FURIN: variants seen among roughly 807,000 people sequenced by gnomAD.
FURIN encodes furin, paired basic amino acid cleaving enzyme, also known as FES upstream region.
FURIN carries 18 observed loss-of-function variants against 89.2 expected under a neutral mutation model. The observed-to-expected ratio is 0.20, with a 90% confidence interval of 0.14 to 0.30. The LOEUF is 0.30. Among genes scored for constraint, FURIN ranks in the 10% least tolerant of loss-of-function variants. The pLI is 1.00. For missense variants in FURIN, 879 were observed against 1,100.5 expected (o/e 0.80, Z 2.85); for synonymous variants, 508 against 466.4 (o/e 1.09, Z -1.15).
rs1425410725 is a variant in FURIN at position 90,876,946 on chromosome 15, C to T, written c.423C>T (p.Gly141=). The change falls in exon 5 of 16, where the codon GGC becomes GGT. Residue 141 remains glycine (G), a synonymous_variant. Transcript: ENST00000268171. This position sits in a 1 kb window ranked among gnomAD's most constrained non-coding sequence, Gnocchi z 5.0. The part of the protein sequence containing the change: ...DLNVKAAWAQ[G]YTGHGIVVSI... ...ATGTGAAGGCGGCCTGGGCGCAGGG[C>T]TACACAGGGCACGGCATTGTGGTCT... 4 of 1,614,006 alleles carry T rather than the reference C, an allele frequency of 2.5e-6. No individual in the cohort carries two copies.
Position 90,880,229 on chromosome 15 carries a change from C to T in FURIN, c.1512C>T (p.His504=). The T allele has an allele frequency of 6.2e-7, 1 of 1,612,050 alleles. No homozygotes were observed. Among genetic ancestry groups the T allele is most frequent in the African/African-American group, 1.3e-5 (1 of 75,054 alleles). The change falls in exon 13 of 16, where the codon CAC becomes CAT. Residue 504 remains histidine (H), a synonymous_variant. Transcript: ENST00000268171. ...ATCGCCGTGGCGACCTGGCCATCCA[C>T]CTGGTCAGCCCCATGGGCACCCGCT... ...SYNRRGDLAI[H]LVSPMGTRST...
At chr15:90,878,091 C>T in intron 7 of FURIN, 41 bp from the exon 8 acceptor site, 1 of 1,604,670 alleles carries the variant, frequency 6.2e-7, no homozygotes, top group Non-Finnish European at 8.5e-7. Context: ...GACAGCTGGA[C>T]CCATGCAGCA....
intron 13 of FURIN, among the ~76,000 whole-genome samples, 188 bp from the exon 14 acceptor site, chr15:90,880,503 G>A (rs1258981248): frequency 6.6e-6 from 1 of 152,206 alleles, no homozygotes; most frequent in Non-Finnish European, 1.5e-5. Flanking sequence ...CGGTGCCTGT[G>A]TACCTTTCTA....
chr15:90,871,072 C>G (rs1195168511), intron 1 of FURIN, among the ~76,000 whole-genome samples: 2 of 152,248 alleles, frequency 1.3e-5, no homozygotes, highest in Non-Finnish European at 2.9e-5. Context: ...CAAGAGGAGG[C>G]TGGTCCTGCC....
In FURIN at chr15:90,879,887, G is replaced by A. The variant is rs1171797131; in HGVS notation, c.1279G>A (p.Gly427Arg). Residue 427 changes from glycine (G) to arginine (R), a missense_variant, in exon 12 of 16, where the codon GGG (glycine) becomes AGG (arginine). This residue lies in a region of FURIN where 156 missense variants were observed against 243.7 expected (regional missense o/e 0.64). Coordinates refer to ENST00000268171, the MANE Select transcript of FURIN (RefSeq NM_002569.4). ...GRKVSHSYGY[G>R]LLDAGAMVAL... The stretch of plus-strand genomic sequence containing the variant: ...CACAGTGAGCCACTCATATGGCTAC[G>A]GGCTTTTGGACGCAGGCGCCATGGT... 6.2e-7 allele frequency: 1 copy of A among 1,613,554 alleles called. No individual in the cohort carries two copies. Among genetic ancestry groups the A allele is most frequent in the Admixed American group, 1.7e-5 (1 of 60,034 alleles).
chr15:90,877,242 C>T (rs371141176), intron 6 of FURIN, 31 bp downstream of exon 6: 24 of 1,519,946 alleles, frequency 1.6e-5, no homozygotes, highest in Admixed American at 3.8e-5. Flanking sequence ...GTCTCTGCCT[C>T]CCTTCTCCTT....
chr15:90,876,302 G>A lies in FURIN; in HGVS notation c.225G>A (p.Arg75=). Residue 75 remains arginine, a synonymous_variant, in exon 3 of 16, where the codon CGG becomes CGA. Transcript: ENST00000268171. This position sits in a 1 kb window ranked among gnomAD's most constrained non-coding sequence, Gnocchi z 5.0. ...YHFWHRGVTK[R]SLSPHRPRHS... is the part of the protein sequence containing the mutation. ...TCTGGCATCGAGGAGTGACGAAGCG[G>A]TCCCTGTCGCCTCACCGCCCGCGGC... The A allele has an allele frequency of 1.2e-6, 2 of 1,613,032 alleles. No homozygotes were observed. The highest frequency in any genetic ancestry group is 8.5e-7 in the Non-Finnish European group (1 of 1,179,278).
At chr15:90,872,013 C>G (rs2031335348) in intron 1 of FURIN, among the ~76,000 whole-genome samples, 2 of 151,464 alleles carry the variant, frequency 1.3e-5, no homozygotes, top group Non-Finnish European at 3.0e-5. Context: ...GGAGAAAATT[C>G]CGCAGGCGCC....
chr15:90,881,381 G>A lies in FURIN; in HGVS notation c.1888G>A (p.Glu630Lys), dbSNP rs769107534. ...AGTCCTCGATACGCACTATAGCACC[G>A]AGAATGACGTGGAGACCATCCGGGC... ...PQVLDTHYST[E>K]NDVETIRASV... The change falls in exon 16 of 16, where the codon GAG (glutamate) becomes AAG (lysine). Residue 630 changes from glutamate to lysine, a missense_variant. Physicochemically the swap from Glu to Lys is moderately conservative, Grantham distance 56. Around this residue, in one of 5 missense-constraint regions of FURIN, gnomAD observed 457 missense variants for 490.7 expected, o/e 0.93. Transcript: ENST00000268171. The surrounding 1 kb of genome is among the most constrained non-coding windows in gnomAD (Gnocchi z 4.3). The A allele has an allele frequency of 5.6e-6, 9 of 1,612,800 alleles. No individual in the cohort carries two copies. Among genetic ancestry groups the A allele is most frequent in the Admixed American group, 5.0e-5 (3 of 59,994 alleles).
Position 90,881,500 on chromosome 15 carries a change from C to T in FURIN, c.2007C>T (p.Asp669=). The change falls in exon 16 of 16, where the codon GAC becomes GAT. Residue 669 remains aspartate, a synonymous_variant. Transcript: ENST00000268171. The surrounding 1 kb of genome is among the most constrained non-coding windows in gnomAD (Gnocchi z 4.3). The part of the protein sequence containing the change: ...CLSCPSHASL[D]PVEQTCSRQS... ...GCTGCCCCAGCCACGCCTCCTTGGA[C>T]CCTGTGGAGCAGACTTGCTCCCGGC... The T allele has an allele frequency of 6.2e-7, 1 of 1,612,036 alleles. No individual in the cohort carries two copies. The highest frequency in any genetic ancestry group is 8.5e-7 in the Non-Finnish European group (1 of 1,179,754).
rs753714852 is a variant in FURIN at position 90,877,225 on chromosome 15, G to A, written c.578+14G>A. On this transcript the variant is annotated intron_variant, in intron 6 of 15. Coordinates refer to ENST00000268171, the MANE Select transcript of FURIN (RefSeq NM_002569.4). ...GAATGACAACAGGTAAGAAGTGGCA[G>A]GCCCCGGTCTCTGCCTCCCTTCTCC... The A allele has an allele frequency of 6.3e-7, 1 of 1,584,032 alleles. No homozygotes were observed. Among genetic ancestry groups the A allele is most frequent in the East Asian group, 2.2e-5 (1 of 44,692 alleles).
rs1412012436 is a variant in FURIN at position 90,871,696 on chromosome 15, G to C, written c.-160+2985G>C. 2.0e-5 allele frequency: 3 copies of C among 149,386 alleles called. No homozygotes were observed. The East Asian group carries it at 6.1e-4, about 31-fold the overall frequency. The allele number at this position is 149,386 out of a possible 1,614,324, so 9.3% of individuals were successfully genotyped here. On this transcript the variant is annotated intron_variant, in intron 1 of 15. Coordinates refer to ENST00000268171, the MANE Select transcript of FURIN (RefSeq NM_002569.4). Reference sequence around the variant, plus strand: ...GGGGAGCCGGCCGGGCCGGGCCGTGGAGCTCTGCCCCAGGAGCGGGCTCCG... The same window carrying C: ...GGGGAGCCGGCCGGGCCGGGCCGTGCAGCTCTGCCCCAGGAGCGGGCTCCG...
chr15:90,881,518 C>T lies in FURIN; in HGVS notation c.2025C>T (p.Cys675=). ...HASLDPVEQT[C]SRQSQSSRES... Reference sequence around the variant, plus strand: ...CCTTGGACCCTGTGGAGCAGACTTGCTCCCGGCAAAGCCAGAGCAGCCGAG... The same window carrying T: ...CCTTGGACCCTGTGGAGCAGACTTGTTCCCGGCAAAGCCAGAGCAGCCGAG... Residue 675 remains cysteine, a synonymous_variant, in exon 16 of 16, where the codon TGC becomes TGT. Transcript: ENST00000268171. This position sits in a 1 kb window ranked among gnomAD's most constrained non-coding sequence, Gnocchi z 4.3. 1 of 1,611,802 alleles carries T rather than the reference C, an allele frequency of 6.2e-7. No individual in the cohort carries two copies. Among genetic ancestry groups the T allele is most frequent in the Non-Finnish European group, 8.5e-7 (1 of 1,179,684 alleles).
rs2031966468 is a variant in FURIN at position 90,881,420 on chromosome 15, C to T, written c.1927C>T (p.Pro643Ser). The T allele has an allele frequency of 1.2e-6, 2 of 1,612,670 alleles. No homozygotes were observed. The highest frequency in any genetic ancestry group is 2.2e-5 in the South Asian group (2 of 91,080). ...GACCATCCGGGCCAGCGTCTGCGCCCCCTGCCACGCCTCATGTGCCACATG... is the reference window on the plus strand; with the variant it reads ...GACCATCCGGGCCAGCGTCTGCGCCTCCTGCCACGCCTCATGTGCCACATG... ...VETIRASVCA[P>S]CHASCATCQG... Residue 643 changes from proline to serine, a missense_variant, in exon 16 of 16, where the codon CCC (proline) becomes TCC (serine). Transcript: ENST00000268171. The surrounding 1 kb of genome is among the most constrained non-coding windows in gnomAD (Gnocchi z 4.3).
At chr15:90,871,754 G>T (rs994722607) in intron 1 of FURIN, 2 of 149,260 alleles carry the variant, frequency 1.3e-5, no homozygotes, top group African/African-American at 4.9e-5. Context: ...GAGGGTCGGG[G>T]CACTGGCGCC....
intron 13 of FURIN, 82 bp from the exon 14 acceptor site, chr15:90,880,609 T>A: frequency 6.8e-7 from 1 of 1,466,416 alleles, no homozygotes; most frequent in Non-Finnish European, 9.3e-7. Flanking sequence ...GGGAAGGGTG[T>A]GTGGCCCATG....
At position 90,881,397 on chromosome 15, in the gene FURIN, C is replaced by T. The variant is rs773428546; in HGVS notation, c.1904C>T (p.Thr635Ile). ...THYSTENDVE[T>I]IRASVCAPCH... ...TATAGCACCGAGAATGACGTGGAGA[C>T]CATCCGGGCCAGCGTCTGCGCCCCC... The change falls in exon 16 of 16, where the codon ACC becomes ATC. Residue 635 changes from threonine (T) to isoleucine (I), a missense_variant. Coordinates refer to ENST00000268171, the MANE Select transcript of FURIN (RefSeq NM_002569.4). This position sits in a 1 kb window ranked among gnomAD's most constrained non-coding sequence, Gnocchi z 4.3. 1.9e-6 allele frequency: 3 copies of T among 1,612,842 alleles called. No homozygotes were observed. The highest frequency in any genetic ancestry group is 1.7e-5 in the Admixed American group (1 of 60,012).
chr15:90,871,940 G>T (rs2031329770), intron 1 of FURIN, among the ~76,000 whole-genome samples: 1 of 151,364 alleles, frequency 6.6e-6, no homozygotes, highest in South Asian at 2.1e-4. Context: ...TTTCCGCGTG[G>T]GGCCAGGGCG....
In FURIN at chr15:90,881,831, G is replaced by A. The variant is rs754914557; in HGVS notation, c.2338G>A (p.Gly780Ser). The A allele has an allele frequency of 2.5e-6, 4 of 1,613,208 alleles. No individual in the cohort carries two copies. The highest frequency in any genetic ancestry group is 3.4e-6 in the Non-Finnish European group (4 of 1,179,986). ...ECPSDSEEDE[G>S]RGERTAFIKD... ...CCCGTCTGACTCAGAAGAGGACGAG[G>A]GCCGGGGCGAGAGGACCGCCTTTAT... The change falls in exon 16 of 16, where the codon GGC (glycine) becomes AGC (serine). Residue 780 changes from glycine (G) to serine (S), a missense_variant. Physicochemically the swap from Gly to Ser is moderately conservative, Grantham distance 56. This residue lies in a region of FURIN where 457 missense variants were observed against 490.7 expected (regional missense o/e 0.93). Transcript: ENST00000268171. This position sits in a 1 kb window ranked among gnomAD's most constrained non-coding sequence, Gnocchi z 4.3.
Sources: gnomAD v4.1 joint callset for allele counts (sites outside exome capture counted in the v4.1 genomes callset) on GRCh38, gnomAD v4.1.1 for gene constraint, gnomAD v4.1.1 regional missense constraint, Gnocchi (gnomAD v3.1) non-coding constraint, MANE v1.5 for transcripts, NCBI Gene and HGNC (gene_info 2026-07-23, HGNC 2026-07-21) for gene names.